Variants in PREX2 observed in about 807,000 individuals in gnomAD.
PREX2 encodes phosphatidylinositol 3,4,5-trisphosphate-dependent Rac exchanger 2 protein.
In PREX2, 107 loss-of-function variants were observed where a neutral mutation model predicts 203.2. The ratio of observed to expected loss-of-function variants is 0.53; its 90% CI spans 0.45 to 0.62. The LOEUF (loss-of-function observed/expected upper bound fraction) is 0.62. Among genes scored for constraint, PREX2 ranks in the 20% least tolerant of loss-of-function variants. PREX2 has a pLI of 0.00. For missense variants in PREX2, 1,777 were observed against 1,955.9 expected (o/e 0.91, Z 1.72); for synonymous variants, 672 against 663.6 (o/e 1.01, Z -0.19).
At position 68,183,580 on chromosome 8, in the gene PREX2, G is replaced by T. The variant is rs142661729; in HGVS notation, c.4347-8142G>T. Among the ~76,000 whole-genome samples, 191 of 152,236 alleles carry T rather than the reference G, an allele frequency of 1.3e-3. 3 individuals carry two copies. In the East Asian group the frequency reaches 0.031, roughly 25 times the overall value. Reference sequence around the variant, plus strand: ...TTTAACAGTAGGTGGCATCCACAGTGATATGTACATATCGCAGGAGCAGGA... The same window carrying T: ...TTTAACAGTAGGTGGCATCCACAGTTATATGTACATATCGCAGGAGCAGGA... On this transcript the variant is annotated intron_variant, in intron 35 of 39. Transcript: ENST00000288368.
chr8:68,140,953 AAGAC>A (rs1563563020), intron 33 of PREX2, among the ~76,000 whole-genome samples: 2 of 152,188 alleles, frequency 1.3e-5, no homozygotes, highest in Non-Finnish European at 2.9e-5. Context: ...ATCTTGATTA[AAGAC>A]AGTTCATTTT....
intron 1 of PREX2, among the ~76,000 whole-genome samples, chr8:67,992,047 T>G (rs2129609497): frequency 6.6e-6 from 1 of 152,306 alleles, no homozygotes; most frequent in East Asian, 1.9e-4. Flanking sequence ...AGCAATGCAT[T>G]AAGTACTGAA....
At chr8:68,115,686 C>A in intron 25 of PREX2, 67 bp from the exon 26 acceptor site, 2 of 1,082,852 alleles carry the variant, frequency 1.8e-6, no homozygotes, top group South Asian at 1.8e-5. Context: ...TTGTATTCAG[C>A]AAATAAGGTA....
chr8:68,106,402 T>G, intron 23 of PREX2: 1 of 467,964 alleles, frequency 2.1e-6, no homozygotes, highest in Non-Finnish European at 4.1e-6. Flanking sequence ...AATTCCTTTC[T>G]TCAAAAAATG....
At chr8:68,084,131 G>C (rs1012970414) in intron 18 of PREX2, among the ~76,000 whole-genome samples, 1 of 152,004 alleles carries the variant, frequency 6.6e-6, no homozygotes, top group African/African-American at 2.4e-5. Context: ...GGCTTTTCTT[G>C]TGCAAATCAT....
In PREX2 at chr8:67,976,766, GAGAGAC is replaced by G. The variant is rs148573916; in HGVS notation, c.141+24248_141+24253del. Among the ~76,000 whole-genome samples, 28 of 92,982 alleles carry G rather than the reference GAGAGAC, an allele frequency of 3.0e-4. 4 individuals carry two copies. Among genetic ancestry groups the G allele is most frequent in the East Asian group, 1.9e-3 (2 of 1,068 alleles). 61.0% of individuals were successfully genotyped at this position (92,982 alleles called of 152,430 possible). ...GAGAGATGCGAGAGAGACAGAGAGAGAGAGACAGAGACAGAGACAGAGCGAGAGGGG... is the reference window on the plus strand; with the variant it reads ...GAGAGATGCGAGAGAGACAGAGAGAGAGAGACAGAGACAGAGCGAGAGGGG... On this transcript the variant is annotated intron_variant, in intron 1 of 39. Transcript: ENST00000288368.
At chr8:68,034,104 T>C (rs1263265551) in intron 6 of PREX2, among the ~76,000 whole-genome samples, 1 of 152,170 alleles carries the variant, frequency 6.6e-6, no homozygotes, top group East Asian at 1.9e-4. Context: ...CGAAATTAGG[T>C]TTTTGTCAGC....
chr8:68,034,076 TA>T (rs1300238241), intron 6 of PREX2, among the ~76,000 whole-genome samples: 4 of 152,200 alleles, frequency 2.6e-5, no homozygotes, highest in Admixed American at 2.6e-4. Flanking sequence ...GCTTGTGTTT[TA>T]AAAGTAAGTT....
Position 68,072,548 on chromosome 8 carries a change from T to C in PREX2, c.1547T>C (p.Leu516Pro). Residue 516 changes from leucine to proline, a missense_variant, in exon 14 of 40, where the codon CTG (leucine) becomes CCG (proline). Coordinates refer to ENST00000288368, the MANE Select transcript of PREX2 (RefSeq NM_024870.4). ...TYKSVVMANKLIDWLIAQGDC... is the reference protein window; with the variant it reads ...TYKSVVMANKPIDWLIAQGDC... ...AAATCTGTGGTCATGGCCAACAAACTGATAGACTGGTTAATTGCACAGGTA... is the reference window on the plus strand; with the variant it reads ...AAATCTGTGGTCATGGCCAACAAACCGATAGACTGGTTAATTGCACAGGTA... The C allele has an allele frequency of 6.3e-7, 1 of 1,590,940 alleles. No individual in the cohort carries two copies. The highest frequency in any genetic ancestry group is 8.6e-7 in the Non-Finnish European group (1 of 1,159,572).
At chr8:68,004,168 T>A (rs13269195) in intron 1 of PREX2, among the ~76,000 whole-genome samples, 83,557 of 152,010 alleles carry the variant, frequency 0.55, 23,234 homozygotes, top group South Asian at 0.65. Flanking sequence ...CCAGGCTCCT[T>A]CATTTCCTGA....
intron 35 of PREX2, among the ~76,000 whole-genome samples, chr8:68,158,799 C>G (rs1811598483): frequency 6.6e-6 from 1 of 152,072 alleles, no homozygotes; most frequent in South Asian, 2.1e-4. Flanking sequence ...TCTCATTTCC[C>G]CCTTTTGATC....
chr8:68,147,547 A>G (rs1199549865), intron 34 of PREX2, among the ~76,000 whole-genome samples: 2 of 152,138 alleles, frequency 1.3e-5, no homozygotes, highest in Non-Finnish European at 2.9e-5. Flanking sequence ...TTCACCTTCC[A>G]CTATGATTGT....
chr8:68,097,223 TA>T (rs771068366), intron 22 of PREX2, 22 bp downstream of exon 22: 1 of 1,576,142 alleles, frequency 6.3e-7, no homozygotes. Flanking sequence ...GCTGAAGAAA[TA>T]AGATTTTTTG....
At chr8:67,979,853 G>A (rs964281338) in intron 1 of PREX2, among the ~76,000 whole-genome samples, 1 of 151,952 alleles carries the variant, frequency 6.6e-6, no homozygotes, top group Non-Finnish European at 1.5e-5. Context: ...AGTGTTTTCC[G>A]TGGAGCAGAT....
intron 8 of PREX2, among the ~76,000 whole-genome samples, chr8:68,045,240 GTC>G (rs1418013696): frequency 6.6e-6 from 1 of 151,792 alleles, no homozygotes; most frequent in Non-Finnish European, 1.5e-5. Flanking sequence ...AAAAAAAGTT[GTC>G]TCTAAAATAA....
chr8:68,028,430 T>C (rs1260027464), intron 5 of PREX2, among the ~76,000 whole-genome samples: 3 of 152,088 alleles, frequency 2.0e-5, no homozygotes, highest in Admixed American at 1.3e-4. Flanking sequence ...GCATATTAAC[T>C]AGTATTTTTA....
At chr8:68,016,696 A>G (rs944517430) in intron 1 of PREX2, among the ~76,000 whole-genome samples, 5 of 152,130 alleles carry the variant, frequency 3.3e-5, no homozygotes, top group Admixed American at 6.6e-5. Flanking sequence ...GGCTCCCTGC[A>G]GCCTCAAACT....
chr8:68,136,723 C>CT (rs1811120178), intron 32 of PREX2, among the ~76,000 whole-genome samples: 2 of 152,104 alleles, frequency 1.3e-5, no homozygotes, highest in South Asian at 4.1e-4. Context: ...GTACTGTGCA[C>CT]TATATTAAAC....
intron 30 of PREX2, among the ~76,000 whole-genome samples, chr8:68,127,168 G>A (rs1227207695): frequency 6.6e-6 from 1 of 152,112 alleles, no homozygotes; most frequent in East Asian, 1.9e-4. Context: ...AGCGTAGCAT[G>A]TCAAGTGAAT....
Sources: gnomAD v4.1 joint callset for allele counts (sites outside exome capture counted in the v4.1 genomes callset) on GRCh38, gnomAD v4.1.1 for gene constraint, MANE v1.5 for transcripts, NCBI Gene and HGNC (gene_info 2026-07-23, HGNC 2026-07-21) for gene names.